AGBL4: variants seen among roughly 807,000 people sequenced by gnomAD.
AGBL4 encodes AGBL carboxypeptidase 4, also known as cytosolic carboxypeptidase 6.
Under a neutral mutation model 66.4 loss-of-function variants are expected in AGBL4, and 58 were observed. The observed-to-expected ratio is 0.87, with a 90% confidence interval of 0.71 to 1.09. The LOEUF is 1.09. AGBL4 is among the 50% of genes least tolerant of loss of function. AGBL4 has a pLI of 0.00. For missense variants in AGBL4, 579 were observed against 631.0 expected (o/e 0.92, Z 0.88); for synonymous variants, 234 against 222.9 (o/e 1.05, Z -0.44).
chr1:49,377,933 A>T (rs1644505543), intron 3 of AGBL4, among the ~76,000 whole-genome samples: 1 of 152,064 alleles, frequency 6.6e-6, no homozygotes, highest in African/African-American at 2.4e-5. Context: ...TGCTTGTGAG[A>T]CACATAAAAA....
chr1:49,314,708 T>C (rs2148466496), intron 3 of AGBL4, among the ~76,000 whole-genome samples: 1 of 152,242 alleles, frequency 6.6e-6, no homozygotes, highest in African/African-American at 2.4e-5. Flanking sequence ...CATGTGTCTT[T>C]ATAGTATAAT....
intron 3 of AGBL4, among the ~76,000 whole-genome samples, chr1:49,495,117 A>T (rs1647421208): frequency 6.6e-6 from 1 of 152,030 alleles, no homozygotes; most frequent in African/African-American, 2.4e-5. Flanking sequence ...GAATATGGAG[A>T]TGGAGAGAAT....
chr1:49,547,775 CTT>C (rs376829267), intron 3 of AGBL4, among the ~76,000 whole-genome samples: 3 of 142,552 alleles, frequency 2.1e-5, no homozygotes, highest in African/African-American at 2.6e-5. Flanking sequence ...GGGGTTGAGT[CTT>C]TTTTTTTTTT....
chr1:49,553,248 T>G (rs1344047587), intron 3 of AGBL4, among the ~76,000 whole-genome samples: 2 of 152,216 alleles, frequency 1.3e-5, no homozygotes, highest in Non-Finnish European at 2.9e-5. Context: ...GTTGTGTAAC[T>G]TTGGGCAAAT....
intron 5 of AGBL4, among the ~76,000 whole-genome samples, chr1:48,991,540 T>C (rs1660606421): frequency 6.6e-6 from 1 of 152,224 alleles, no homozygotes; most frequent in Non-Finnish European, 1.5e-5. Context: ...GAAAGTTCTT[T>C]GTTATTATCC....
chr1:48,715,601 T>A (rs1647037231), intron 6 of AGBL4, among the ~76,000 whole-genome samples: 1 of 152,170 alleles, frequency 6.6e-6, no homozygotes, highest in South Asian at 2.1e-4. Context: ...TTTGAGATCA[T>A]TTTATTGAAA....
chr1:49,207,523 CTCTCTTTCTTTTTCTTTCT>C, intron 4 of AGBL4, among the ~76,000 whole-genome samples: 5 of 129,986 alleles, frequency 3.8e-5, no homozygotes, highest in African/African-American at 1.1e-4. Flanking sequence ...TTCTTTCTTT[CTCTCTTTCTTTTTCTTTCT>C]TTTCTTTCTT....
At chr1:49,318,926 G>A (rs1645085604) in intron 3 of AGBL4, among the ~76,000 whole-genome samples, 1 of 152,086 alleles carries the variant, frequency 6.6e-6, no homozygotes, top group African/African-American at 2.4e-5. Flanking sequence ...CAGGGTTAAT[G>A]AACTGCATCA....
chr1:50,023,874 ACAGGAGCTACCT>A lies in AGBL4; in HGVS notation c.-90_-79del. The stretch of plus-strand genomic sequence containing the variant: ...AGCGGGTGGTGGGATCAGTGGGCTG[ACAGGAGCTACCT>A]CAGGAAGACGCGGCACGACGGTTGC... On this transcript the variant is annotated 5_prime_UTR_variant, in exon 1 of 14. Coordinates refer to ENST00000371839, the MANE Select transcript of AGBL4 (RefSeq NM_032785.4). 3 of 1,476,052 alleles carry A rather than the reference ACAGGAGCTACCT, an allele frequency of 2.0e-6. No individual in the cohort carries two copies. Among genetic ancestry groups the A allele is most frequent in the Non-Finnish European group, 2.7e-6 (3 of 1,097,664 alleles). 91.4% of individuals were successfully genotyped at this position (1,476,052 alleles called of 1,614,324 possible).
At chr1:49,218,790 C>A (rs1392397303) in intron 4 of AGBL4, among the ~76,000 whole-genome samples, 1 of 152,084 alleles carries the variant, frequency 6.6e-6, no homozygotes, top group Non-Finnish European at 1.5e-5. Context: ...ATGGGAGGGA[C>A]ACAGCGGGAG....
At chr1:49,301,272 T>C (rs538933348) in intron 3 of AGBL4, among the ~76,000 whole-genome samples, 1 of 152,302 alleles carries the variant, frequency 6.6e-6, no homozygotes, top group South Asian at 2.1e-4. Flanking sequence ...AGTTCTTCAA[T>C]GCAAGGTGAA....
intron 4 of AGBL4, among the ~76,000 whole-genome samples, chr1:49,217,672 T>C (rs1186000026): frequency 6.6e-6 from 1 of 152,164 alleles, no homozygotes; most frequent in Non-Finnish European, 1.5e-5. Flanking sequence ...TGGAACATAA[T>C]ACACACTCAA....
chr1:49,569,659 TG>T (rs1644287433), intron 3 of AGBL4, among the ~76,000 whole-genome samples: 1 of 152,190 alleles, frequency 6.6e-6, no homozygotes, highest in Non-Finnish European at 1.5e-5. Flanking sequence ...ATGGATCAAG[TG>T]AGTGCTTTCA....
chr1:48,913,928 G>A (rs940017034), intron 5 of AGBL4, among the ~76,000 whole-genome samples: 6 of 152,100 alleles, frequency 3.9e-5, no homozygotes, highest in African/African-American at 1.2e-4. Context: ...GGTTGGTTTC[G>A]AATCTGGGGA....
rs570732310 is a variant in AGBL4, at chr1:49,052,973, C to T, written c.378-7173G>A. Among the ~76,000 whole-genome samples the T allele has an allele frequency of 5.3e-5, 8 of 152,162 alleles. No homozygotes were observed. In the East Asian group the frequency reaches 1.5e-3, roughly 29 times the overall value. ...TATTAATCAGTCATGTAACCTTGGG[C>T]CTGGGTTTCCCAATCTATAAAATGC... On this transcript the variant is annotated intron_variant, in intron 4 of 13. Transcript: ENST00000371839.
chr1:49,289,017 G>C (rs112280526), intron 3 of AGBL4, among the ~76,000 whole-genome samples: 2,039 of 141,048 alleles, frequency 0.014, 39 homozygotes, highest in African/African-American at 0.049. Flanking sequence ...CACACACACA[G>C]AGAGAGAGAG....
intron 4 of AGBL4, among the ~76,000 whole-genome samples, chr1:49,095,222 G>C (rs1341843118): frequency 6.6e-6 from 1 of 152,166 alleles, no homozygotes; most frequent in Non-Finnish European, 1.5e-5. Flanking sequence ...ATGCTCATGG[G>C]TAGGAAGAAT....
intron 4 of AGBL4, among the ~76,000 whole-genome samples, chr1:49,169,065 T>G (rs1646684843): frequency 6.6e-6 from 1 of 152,174 alleles, no homozygotes; most frequent in Non-Finnish European, 1.5e-5. Flanking sequence ...TCCCTTTTTG[T>G]CTCACTCTTG....
intron 5 of AGBL4, among the ~76,000 whole-genome samples, chr1:48,986,801 A>G (rs1470709513): frequency 6.6e-6 from 1 of 152,036 alleles, no homozygotes; most frequent in Non-Finnish European, 1.5e-5. Flanking sequence ...ACTTCAAAAG[A>G]TTTTACTATT....
Sources: gnomAD v4.1 joint callset for allele counts (sites outside exome capture counted in the v4.1 genomes callset) on GRCh38, gnomAD v4.1.1 for gene constraint, MANE v1.5 for transcripts, NCBI Gene and HGNC (gene_info 2026-07-23, HGNC 2026-07-21) for gene names.